The following CTBP1 variants were observed in gnomAD, a reference collection of about 807,000 sequenced individuals.
The protein encoded by CTBP1 is C-terminal-binding protein 1.
Under a neutral mutation model 42.1 loss-of-function variants are expected in CTBP1, and 11 were observed. The observed-to-expected ratio is 0.26, with a 90% CI of 0.16 to 0.43. CTBP1 has a LOEUF of 0.43. CTBP1 is among the 20% of genes least tolerant of loss of function. The pLI, the probability that CTBP1 is intolerant of heterozygous loss-of-function variation, is 1.00. For synonymous variants in CTBP1, 324 were observed against 277.1 expected, an observed-to-expected ratio of 1.17 and a Z score of -1.68; for missense variants, 399 against 624.3, an observed-to-expected ratio of 0.64 and a Z score of 3.85.
chr4:1,249,487 T>G (rs2108818381), upstream of CTBP1: 1 of 53,756 alleles, frequency 1.9e-5, no homozygotes, highest in Non-Finnish European at 5.2e-5. Context: ...ATGGCGCTCC[T>G]CCGCGCCGCA....
intron 1 of CTBP1, chr4:1,245,686 G>C (rs1439898609): frequency 1.0e-6 from 1 of 984,510 alleles, no homozygotes; most frequent in African/African-American, 1.8e-5. Flanking sequence ...GGCACGGGTG[G>C]GCAGGGTGGC....
At chr4:1,219,138 C>A (rs911721995) in intron 5 of CTBP1, among the ~76,000 whole-genome samples, 2 of 152,108 alleles carry the variant, frequency 1.3e-5, no homozygotes, top group Non-Finnish European at 2.9e-5. Flanking sequence ...TCTAGACCAT[C>A]CTGAGCAACA....
intron 6 of CTBP1, among the ~76,000 whole-genome samples, chr4:1,215,129 C>T (rs540824571): frequency 3.3e-5 from 5 of 152,222 alleles, no homozygotes; most frequent in Non-Finnish European, 7.3e-5. Context: ...TAAAGCCTCA[C>T]ACCCAAGGTC....
At position 1,238,835 on chromosome 4, in the gene CTBP1, A is replaced by G. The variant is rs1005101481; in HGVS notation, c.8-498T>C. Among the ~76,000 whole-genome samples the G allele has an allele frequency of 6.6e-6, 1 of 151,448 alleles. No homozygotes were observed. The highest frequency in any genetic ancestry group is 2.4e-5 in the African/African-American group (1 of 41,122). On this transcript the variant is annotated intron_variant, in intron 2 of 9. Transcript: ENST00000382952. This position sits in a 1 kb window ranked among gnomAD's most constrained non-coding sequence, Gnocchi z 5.9. Reference sequence around the variant, plus strand: ...CCGAGACCCTCCCAGACCGTCCGAGACCCCAGGGCAGCTCCATGAGGCAGG... The same window carrying G: ...CCGAGACCCTCCCAGACCGTCCGAGGCCCCAGGGCAGCTCCATGAGGCAGG...
Position 1,212,249 on chromosome 4 carries a change from G to T in CTBP1, c.1281C>A (p.Asp427Glu). Residue 427 changes from aspartate (D) to glutamate (E), a missense_variant, in exon 10 of 10, where the codon GAC (aspartate) becomes GAA (glutamate). This residue lies in a region of CTBP1 where 60 missense variants were observed against 46.5 expected (regional missense o/e 1.29). Transcript: ENST00000382952. ...KPEADRDHAS[D>E]QL ...GAGAGCTCCTCCCGGGCTACAACTG[G>T]TCACTGGCGTGGTCTCTATCCGCCT... is the stretch of plus-strand genomic sequence containing the variant. 1 of 1,502,548 alleles carries T rather than the reference G, an allele frequency of 6.7e-7. No individual in the cohort carries two copies. Among genetic ancestry groups the T allele is most frequent in the South Asian group, 1.3e-5 (1 of 79,196 alleles). 93.1% of individuals were successfully genotyped at this position (1,502,548 alleles called of 1,614,324 possible). A position where few individuals can be genotyped will look rare whatever the true frequency, so the allele number is the denominator to read the frequency against.
chr4:1,243,014 G>A, intron 1 of CTBP1: 1 of 985,352 alleles, frequency 1.0e-6, no homozygotes, highest in Non-Finnish European at 1.2e-6. Flanking sequence ...CATCAATACT[G>A]GCCAAACTCA....
chr4:1,222,123 T>A (rs976833600), intron 5 of CTBP1, among the ~76,000 whole-genome samples: 2 of 151,912 alleles, frequency 1.3e-5, no homozygotes, highest in Admixed American at 6.6e-5. Context: ...AGAGCCTGAG[T>A]GGCTGGTGCC....
chr4:1,236,985 C>A (rs557276158), intron 3 of CTBP1: 7 of 672,380 alleles, frequency 1.0e-5, no homozygotes, highest in African/African-American at 5.4e-5. Context: ...TCAGGAGAAA[C>A]CGAGCGTCCA....
chr4:1,237,718 A>G (rs1731699322), intron 3 of CTBP1: 1 of 688,544 alleles, frequency 1.5e-6, no homozygotes, highest in Non-Finnish European at 2.6e-6. Flanking sequence ...CCCCGTGTCC[A>G]CCTCCTGATG....
intron 1 of CTBP1, chr4:1,244,648 C>A: frequency 8.1e-6 from 8 of 985,402 alleles, no homozygotes; most frequent in Non-Finnish European, 9.6e-6. Context: ...CCAGGAAGGG[C>A]TCCCCGACCA....
At chr4:1,250,273 TCAGCCAGAC>T, upstream of CTBP1, 1 of 217,942 alleles carries the variant, frequency 4.6e-6, no homozygotes. Flanking sequence ...TGCTGGGCCC[TCAGCCAGAC>T]CTGCCCTGCG....
chr4:1,214,720 C>T (rs1269933579), intron 6 of CTBP1, among the ~76,000 whole-genome samples: 2 of 152,258 alleles, frequency 1.3e-5, no homozygotes, highest in Non-Finnish European at 2.9e-5. Context: ...AGAGCTCCAC[C>T]CTCCTGCCCA....
In CTBP1 at chr4:1,225,406, G is replaced by T; in HGVS notation, c.468C>A (p.Ser156=). The T allele has an allele frequency of 1.3e-6, 2 of 1,567,000 alleles. No individual in the cohort carries two copies. The highest frequency in any genetic ancestry group is 2.4e-5 in the East Asian group (1 of 41,916). The part of the protein sequence containing the change: ...QSVEQIREVA[S]GAARIRGETL... The stretch of plus-strand genomic sequence containing the variant: ...TCTCCCCGCGGATCCTGGCAGCGCC[G>T]GACGCCACCTCGCGGATCTGCTCGA... Residue 156 remains serine, a synonymous_variant, in exon 5 of 10, where the codon TCC becomes TCA. Coordinates refer to ENST00000382952, the MANE Select transcript of CTBP1 (RefSeq NM_001012614.2).
chr4:1,223,827 G>A (rs1012385467), intron 5 of CTBP1, among the ~76,000 whole-genome samples: 10 of 152,062 alleles, frequency 6.6e-5, no homozygotes, highest in South Asian at 2.1e-4. Context: ...ACACACACAC[G>A]TGCACAAACA....
chr4:1,214,314 C>T (rs562083511), intron 7 of CTBP1, 29 bp downstream of exon 7: 112 of 1,526,304 alleles, frequency 7.3e-5, no homozygotes, highest in Non-Finnish European at 2.3e-5. Context: ...CAGGGAAGAG[C>T]AGGGGGGCGG....
Position 1,233,915 on chromosome 4 carries a change from C to T in CTBP1, c.162+4268G>A, listed in dbSNP as rs959217039. On this transcript the variant is annotated intron_variant, in intron 3 of 9. Coordinates refer to ENST00000382952, the MANE Select transcript of CTBP1 (RefSeq NM_001012614.2). The surrounding 1 kb of genome is among the most constrained non-coding windows in gnomAD (Gnocchi z 4.6). ...CCAAAGCCTGGAGACAGGGAGCCTGCGGCCCCGCTGCCCTCTCCACAGCCA... is the reference window on the plus strand; with the variant it reads ...CCAAAGCCTGGAGACAGGGAGCCTGTGGCCCCGCTGCCCTCTCCACAGCCA... Among the ~76,000 whole-genome samples the T allele has an allele frequency of 3.3e-5, 5 of 152,118 alleles. No homozygotes were observed. The highest frequency in any genetic ancestry group is 1.9e-4 in the East Asian group (1 of 5,172).
chr4:1,220,897 G>A (rs77801918), intron 5 of CTBP1, among the ~76,000 whole-genome samples: 2,297 of 152,332 alleles, frequency 0.015, 63 homozygotes, highest in African/African-American at 0.052. Context: ...CCTGTTACCC[G>A]GATGACCCTG....
At position 1,242,300 on chromosome 4, in the gene CTBP1, C is replaced by T. The variant is rs189240864; in HGVS notation, c.-188-781G>A. 4.9e-5 allele frequency: 48 copies of T among 985,372 alleles called. No homozygotes were observed. In the East Asian group the frequency reaches 1.8e-3, roughly 37 times the overall value. The allele number at this position is 985,372 out of a possible 1,614,324, so 61.0% of individuals were successfully genotyped here. On this transcript the variant is annotated intron_variant, in intron 1 of 9. Transcript: ENST00000382952. ...CTGAGCTGCCCACACCTGGCCCCTG[C>T]TCTGGCATGAAGACACAGCACCGAG...
intron 1 of CTBP1, chr4:1,245,599 A>G: frequency 1.0e-6 from 1 of 981,288 alleles, no homozygotes; most frequent in Non-Finnish European, 1.2e-6. Flanking sequence ...GAAGAGTGGC[A>G]CGGGAGGGCA....
Sources: allele counts gnomAD v4.1 joint callset (sites outside exome capture counted in the v4.1 genomes callset), GRCh38; gene constraint gnomAD v4.1.1; regional missense constraint gnomAD v4.1.1; non-coding constraint Gnocchi (gnomAD v3.1); transcripts MANE v1.5; gene names NCBI Gene and HGNC (gene_info 2026-07-23, HGNC 2026-07-21).